Variants in LIPJ observed in about 807,000 individuals in gnomAD.
LIPJ encodes the protein lipase member J.
In LIPJ, 33 loss-of-function variants were observed where a neutral mutation model predicts 39.8. The ratio of observed to expected loss-of-function variants is 0.83; its 90% CI spans 0.63 to 1.11. The LOEUF (loss-of-function observed/expected upper bound fraction) is 1.11, where lower values mean the gene tolerates loss of function less well. LIPJ is among the 50% of genes least tolerant of loss of function. The pLI is 0.00. For missense variants in LIPJ, 422 were observed against 427.9 expected (o/e 0.99, Z 0.12); for synonymous variants, 128 against 139.2 (o/e 0.92, Z 0.57).
chr10:88,586,546 T>C (rs773957360), upstream of LIPJ, among the ~76,000 whole-genome samples: 7 of 152,166 alleles, frequency 4.6e-5, no homozygotes, highest in Non-Finnish European at 1.0e-4. Flanking sequence ...TGACCTAAAA[T>C]AGCCACCCAG....
At chr10:88,595,176 C>T (rs564084319) in intron 6 of LIPJ, among the ~76,000 whole-genome samples, 6 of 151,756 alleles carry the variant, frequency 4.0e-5, no homozygotes, top group African/African-American at 4.8e-5. Context: ...TTTTGCATTT[C>T]GGACTGATCA....
chr10:88,594,055 T>C, exon 5 of LIPJ: 1 of 1,612,352 alleles, frequency 6.2e-7, no homozygotes, highest in Non-Finnish European at 8.5e-7. Flanking sequence ...ATGCTGGTTA[T>C]GATGTGTGGA....
At chr10:88,601,145 AC>A (rs1851461346) in intron 8 of LIPJ, among the ~76,000 whole-genome samples, 1 of 151,768 alleles carries the variant, frequency 6.6e-6, no homozygotes, top group Non-Finnish European at 1.5e-5. Flanking sequence ...GATGGGGTTC[AC>A]CATATTGGTC....
exon 5 of LIPJ, chr10:88,594,126 A>G (rs376504184): frequency 2.0e-5 from 32 of 1,610,592 alleles, no homozygotes; most frequent in Non-Finnish European, 2.5e-5. Context: ...ACGAGTTCCA[A>G]AGAATTCTGG....
At chr10:88,605,287 C>T (rs1231214124) in intron 9 of LIPJ, among the ~76,000 whole-genome samples, 2 of 152,142 alleles carry the variant, frequency 1.3e-5, no homozygotes, top group Non-Finnish European at 2.9e-5. Context: ...TTATCTTAGT[C>T]TCAGTGCAAG....
chr10:88,587,604 T>G (rs930893890), intron 2 of LIPJ, among the ~76,000 whole-genome samples: 18 of 152,232 alleles, frequency 1.2e-4, no homozygotes, highest in Admixed American at 1.0e-3. Context: ...TAAAAATCAT[T>G]ATTTAAAATT....
chr10:88,613,747 T>G, the LIPJ span, among the ~76,000 whole-genome samples: 1 of 83,052 alleles, frequency 1.2e-5, no homozygotes, highest in South Asian at 4.2e-4. Flanking sequence ...CATCCTGATA[T>G]ATATATATAT....
In LIPJ at chr10:88,606,781, T is replaced by C. The variant is rs138737645; in HGVS notation, c.975T>C (p.Ser325=). The C allele has an allele frequency of 1.3e-4, 206 of 1,613,376 alleles. No homozygotes were observed. In the African/African-American group the frequency reaches 2.3e-3, roughly 18 times the overall value. Reference sequence around the variant, plus strand: ...CTGAAGACGTTAACATTTTACATTCTGAAATCACAAACCACATTTATTATA... The same window carrying C: ...CTGAAGACGTTAACATTTTACATTCCGAAATCACAAACCACATTTATTATA... Residue 325 remains serine, a synonymous_variant, in exon 11 of 11, where the codon TCT becomes TCC. Coordinates refer to ENST00000371939, the Ensembl canonical transcript of LIPJ.
exon 3 of LIPJ, chr10:88,590,686 A>T (rs1432431491): frequency 1.9e-6 from 3 of 1,592,606 alleles, no homozygotes; most frequent in Admixed American, 3.4e-5. Context: ...CCTGAAGCAG[A>T]TATGAATATT....
the LIPJ span, chr10:88,618,684 G>T: frequency 6.4e-6 from 1 of 155,190 alleles, no homozygotes; most frequent in South Asian, 1.8e-4. Context: ...ATGCCAATTT[G>T]GGTTCTGCCA....
At chr10:88,616,555 G>A in the LIPJ span, among the ~76,000 whole-genome samples, 10 of 152,200 alleles carry the variant, frequency 6.6e-5, no homozygotes, top group Admixed American at 4.6e-4. Context: ...GAGCTGAGGC[G>A]GGGGATCCTC....
intron 10 of LIPJ, among the ~76,000 whole-genome samples, 155 bp downstream of exon 10, chr10:88,605,859 A>G (rs1252007417): frequency 6.6e-6 from 1 of 152,196 alleles, no homozygotes; most frequent in Non-Finnish European, 1.5e-5. Flanking sequence ...GTATTGTCAC[A>G]TCCAACCAAA....
intron 6 of LIPJ, among the ~76,000 whole-genome samples, chr10:88,595,872 A>G (rs1162215085): frequency 1.3e-5 from 2 of 151,574 alleles, no homozygotes; most frequent in African/African-American, 4.8e-5. Flanking sequence ...TTTAAAATAT[A>G]TTGAAGATAA....
rs781129677 is a variant in LIPJ at position 88,594,652 on chromosome 10, C to T, written c.330-15C>T. On this transcript the variant is annotated splice_polypyrimidine_tract_variant and intron_variant, in intron 5 of 10. Coordinates refer to ENST00000371939, the Ensembl canonical transcript of LIPJ. ...AGTAGAAAGTGCTATTTTTATTTTC[C>T]TCTTTCTTTTGTAGTTTTGATGAGA... 3 of 1,322,450 alleles carry T rather than the reference C, an allele frequency of 2.3e-6. No homozygotes were observed. Among genetic ancestry groups the T allele is most frequent in the Admixed American group, 2.3e-5 (1 of 43,086 alleles). 81.9% of individuals were successfully genotyped at this position (1,322,450 alleles called of 1,614,324 possible).
chr10:88,597,345 C>T (rs953211782), intron 8 of LIPJ, among the ~76,000 whole-genome samples: 7 of 151,794 alleles, frequency 4.6e-5, no homozygotes, highest in African/African-American at 1.7e-4. Flanking sequence ...AGAATTAGTG[C>T]CTTCCAATTA....
At chr10:88,602,620 T>C in exon 9 of LIPJ, 1 of 1,471,518 alleles carries the variant, frequency 6.8e-7, no homozygotes, top group Non-Finnish European at 9.2e-7. Flanking sequence ...CAGGAACATC[T>C]GTTCAAAATA....
intron 9 of LIPJ, among the ~76,000 whole-genome samples, chr10:88,603,214 G>T (rs1851554033): frequency 6.6e-6 from 1 of 152,092 alleles, no homozygotes; most frequent in Admixed American, 6.5e-5. Context: ...GTAGACTAGG[G>T]ATTATTTAGG....
the LIPJ span, among the ~76,000 whole-genome samples, chr10:88,619,482 G>C: frequency 5.4e-5 from 2 of 36,834 alleles, no homozygotes; most frequent in Non-Finnish European, 9.2e-5. Flanking sequence ...TATCCCTTTT[G>C]TCTGGTTGCT....
upstream of LIPJ, chr10:88,584,057 A>T (rs1850820709): frequency 6.6e-6 from 1 of 152,232 alleles, no homozygotes; most frequent in Non-Finnish European, 1.5e-5. Context: ...GCTGACTTGC[A>T]GATAAATTAT....
Sources: gnomAD v4.1 joint callset for allele counts (sites outside exome capture counted in the v4.1 genomes callset) on GRCh38, gnomAD v4.1.1 for gene constraint, MANE v1.5 for transcripts, NCBI Gene and HGNC (gene_info 2026-07-23, HGNC 2026-07-21) for gene names.